SPTBN4: variants seen among roughly 807,000 people sequenced by gnomAD.
SPTBN4 encodes spectrin beta, non-erythrocytic 4, also known as spectrin beta chain, non-erythrocytic 4.
Under a neutral mutation model 277.8 loss-of-function variants are expected in SPTBN4, and 96 were observed. The ratio of observed to expected loss-of-function variants is 0.35; its 90% CI spans 0.29 to 0.41. The LOEUF is 0.41. Ranked by LOEUF, SPTBN4 falls within the 10% of genes least tolerant of loss-of-function variation. The probability of loss-of-function intolerance (pLI) is 1.00; values close to 1 mark genes in which losing one functional copy is unlikely to be tolerated. For missense variants in SPTBN4, 3,006 were observed against 3,595.7 expected (o/e 0.84, Z 4.19); for synonymous variants, 1,481 against 1,580.3 (o/e 0.94, Z 1.49).
At chr19:40,573,036 C>T (rs964594735) in intron 35 of SPTBN4, among the ~76,000 whole-genome samples, 2 of 152,036 alleles carry the variant, frequency 1.3e-5, no homozygotes, top group Admixed American at 1.3e-4. Context: ...AGGTTGGGCA[C>T]CATGGCTCAG....
At position 40,519,668 on chromosome 19, in the gene SPTBN4, G is replaced by A; in HGVS notation, c.3171G>A (p.Ala1057=). 1 of 1,391,956 alleles carries A rather than the reference G, an allele frequency of 7.2e-7. No individual in the cohort carries two copies. The highest frequency in any genetic ancestry group is 9.2e-7 in the Non-Finnish European group (1 of 1,084,248). The allele number at this position is 1,391,956 out of a possible 1,614,324, so 86.2% of individuals were successfully genotyped here. A position where few individuals can be genotyped will look rare whatever the true frequency, so the allele number is the denominator to read the frequency against. ...LLAERFPAQA[A]RLHQGAEELG... is the part of the protein sequence containing the mutation. Reference sequence around the variant, plus strand: ...CTGAGCGCTTCCCGGCGCAGGCGGCGCGGCTGCACCAGGGCGCGGAGGAGC... The same window carrying A: ...CTGAGCGCTTCCCGGCGCAGGCGGCACGGCTGCACCAGGGCGCGGAGGAGC... The change falls in exon 16 of 36, where the codon GCG becomes GCA. Residue 1057 remains alanine (A), a synonymous_variant. Coordinates refer to ENST00000598249, the MANE Select transcript of SPTBN4 (RefSeq NM_020971.3). The surrounding 1 kb of genome is among the most constrained non-coding windows in gnomAD (Gnocchi z 5.7).
intron 11 of SPTBN4, among the ~76,000 whole-genome samples, chr19:40,503,253 G>A (rs2080284140): frequency 6.6e-6 from 1 of 152,022 alleles, no homozygotes; most frequent in South Asian, 2.1e-4. Flanking sequence ...TAACTCAGAA[G>A]GATAGAATTG....
At chr19:40,486,161 T>C (rs2080070037) in intron 2 of SPTBN4, among the ~76,000 whole-genome samples, 1 of 151,782 alleles carries the variant, frequency 6.6e-6, no homozygotes, top group Admixed American at 6.6e-5. Context: ...CCTGGTGGCA[T>C]GCTCCTTTGG....
chr19:40,550,049 T>G (rs888090663), intron 21 of SPTBN4, among the ~76,000 whole-genome samples, 189 bp from the exon 22 acceptor site: 4 of 151,750 alleles, frequency 2.6e-5, no homozygotes. Flanking sequence ...GGTAGGAGGA[T>G]TATTTGAGCC....
In SPTBN4 at chr19:40,512,781, G is replaced by C; in HGVS notation, c.1992G>C (p.Glu664Asp). 1 of 1,502,984 alleles carries C rather than the reference G, an allele frequency of 6.7e-7. No homozygotes were observed. Among genetic ancestry groups the C allele is most frequent in the Non-Finnish European group, 8.8e-7 (1 of 1,135,206 alleles). 93.1% of individuals were successfully genotyped at this position (1,502,984 alleles called of 1,614,324 possible). Residue 664 changes from glutamate (E) to aspartate (D), a missense_variant, in exon 14 of 36, where the codon GAG (glutamate) becomes GAC (aspartate). This residue lies in a region of SPTBN4 where 1,759 missense variants were observed against 2,061.5 expected (regional missense o/e 0.85). Coordinates refer to ENST00000598249, the MANE Select transcript of SPTBN4 (RefSeq NM_020971.3). ...EEAESWARDK[E>D]RLLEAAGGGG... ...CCGAGAGCTGGGCGCGCGACAAGGAGCGTCTCCTGGAGGCTGCGGGCGGCG... is the reference window on the plus strand; with the variant it reads ...CCGAGAGCTGGGCGCGCGACAAGGACCGTCTCCTGGAGGCTGCGGGCGGCG...
Position 40,487,737 on chromosome 19 carries a change from G to A in SPTBN4, c.210G>A (p.Trp70Ter). 6.2e-7 allele frequency: 1 copy of A among 1,613,656 alleles called. No homozygotes were observed. The highest frequency in any genetic ancestry group is 8.5e-7 in the Non-Finnish European group (1 of 1,179,830). Residue 70 changes from tryptophan (W) to a stop codon, truncating the protein, a stop_gained, in exon 3 of 36, where the codon TGG (tryptophan) becomes TGA (stop). Coordinates refer to ENST00000598249, the MANE Select transcript of SPTBN4 (RefSeq NM_020971.3). LOFTEE classifies it high-confidence loss of function. ...TGCAGAAGAAAACCTTCACCAAGTG[G>A]GTGAACTCGCACCTCGCCCGCGTGG... is the stretch of plus-strand genomic sequence containing the variant. ...EAVQKKTFTKWVNSHLARVGC... is the reference protein window; with the variant it reads ...EAVQKKTFTK
intron 20 of SPTBN4, among the ~76,000 whole-genome samples, chr19:40,536,319 T>C (rs1418800602): frequency 1.3e-5 from 2 of 152,098 alleles, no homozygotes; most frequent in Admixed American, 6.5e-5. Flanking sequence ...GTTCAAGCAG[T>C]TCTCCTGCCT....
At chr19:40,493,291 G>A (rs2080158907) in intron 5 of SPTBN4, among the ~76,000 whole-genome samples, 1 of 152,122 alleles carries the variant, frequency 6.6e-6, no homozygotes, top group Admixed American at 6.5e-5. Context: ...TGTCACCCAG[G>A]CTGGAGTGCA....
At chr19:40,514,950 G>A (rs1173137719) in intron 14 of SPTBN4, among the ~76,000 whole-genome samples, 1 of 151,774 alleles carries the variant, frequency 6.6e-6, no homozygotes, top group African/African-American at 2.4e-5. Context: ...ACTAAAAATA[G>A]AAAAGTTAGC....
chr19:40,470,294 C>T lies in SPTBN4; in HGVS notation c.-15-2313C>T, dbSNP rs144166166. Among the ~76,000 whole-genome samples the T allele has an allele frequency of 4.9e-3, 735 of 151,196 alleles. 5 individuals carry two copies. The highest frequency in any genetic ancestry group is 0.017 in the African/African-American group (688 of 41,162). On this transcript the variant is annotated intron_variant, in intron 1 of 35. Coordinates refer to ENST00000598249, the MANE Select transcript of SPTBN4 (RefSeq NM_020971.3). ...GATAACAGGCATGAGCCACCGTGCC[C>T]GGCCTATTTTTATTTTTTTATTTTT...
At chr19:40,482,649 G>T (rs1276892471) in intron 2 of SPTBN4, among the ~76,000 whole-genome samples, 1 of 152,126 alleles carries the variant, frequency 6.6e-6, no homozygotes, top group Non-Finnish European at 1.5e-5. Flanking sequence ...TTTATAAAAC[G>T]CAGTCGGGGT....
chr19:40,564,734 G>A (rs1316561457), intron 27 of SPTBN4, among the ~76,000 whole-genome samples: 1 of 151,956 alleles, frequency 6.6e-6, no homozygotes, highest in Admixed American at 6.6e-5. Flanking sequence ...CTACTCAGGA[G>A]GCTGAGGCAG....
Position 40,550,342 on chromosome 19 carries a change from G to C in SPTBN4, c.4674+15G>C, listed in dbSNP as rs1466110966. 5 of 1,604,082 alleles carry C rather than the reference G, an allele frequency of 3.1e-6. No individual in the cohort carries two copies. Among genetic ancestry groups the C allele is most frequent in the Non-Finnish European group, 4.2e-6 (5 of 1,179,690 alleles). ...AAAAGAACCAGGTGAGCAGAGCCAG[G>C]TGAGGGAGCGAGTTAGGACATTTGG... On this transcript the variant is annotated intron_variant, in intron 22 of 35. Transcript: ENST00000598249.
At chr19:40,531,699 C>G (rs1370697377) in intron 18 of SPTBN4, among the ~76,000 whole-genome samples, 1 of 151,322 alleles carries the variant, frequency 6.6e-6, no homozygotes, top group African/African-American at 2.4e-5. Context: ...GAGGGGCCCA[C>G]TCTTGGTGCT....
In SPTBN4 at chr19:40,515,873, C is replaced by A. The variant is rs1032224875; in HGVS notation, c.2903+425C>A. 2.1e-5 allele frequency among the ~76,000 whole-genome samples: 2 copies of A among 93,038 alleles called. No individual in the cohort carries two copies. The highest frequency in any genetic ancestry group is 3.8e-5 in the Non-Finnish European group (2 of 52,476). 61.0% of individuals were successfully genotyped at this position (93,038 alleles called of 152,430 possible). On this transcript the variant is annotated intron_variant, in intron 15 of 35. Coordinates refer to ENST00000598249, the MANE Select transcript of SPTBN4 (RefSeq NM_020971.3). The surrounding 1 kb of genome is among the most constrained non-coding windows in gnomAD (Gnocchi z 4.1). ...CCCCGTCTCTCTCTCTACGTGCGCG[C>A]ACACACACACACACACACACACACA...
Position 40,472,808 on chromosome 19 carries a change from G to T in SPTBN4, c.169+18G>T. The T allele has an allele frequency of 6.5e-7, 1 of 1,538,700 alleles. No individual in the cohort carries two copies. The highest frequency in any genetic ancestry group is 1.2e-5 in the South Asian group (1 of 84,112). On this transcript the variant is annotated intron_variant, in intron 2 of 35. Coordinates refer to ENST00000598249, the MANE Select transcript of SPTBN4 (RefSeq NM_020971.3). ...CTTGGCAGGTACCTGGAGGAGGGCT[G>T]GGGTGGGATGAGGAGGAGGGGGAAG...
intron 5 of SPTBN4, among the ~76,000 whole-genome samples, chr19:40,494,486 GCTAT>G (rs932245899): frequency 4.7e-5 from 7 of 148,688 alleles, no homozygotes; most frequent in African/African-American, 1.5e-4. Context: ...CTTCTCTCCT[GCTAT>G]CTATCTTCTA....
chr19:40,496,231 C>T (rs1231649111), intron 6 of SPTBN4, among the ~76,000 whole-genome samples: 1 of 152,188 alleles, frequency 6.6e-6, no homozygotes, highest in African/African-American at 2.4e-5. Flanking sequence ...CTCACTGCAA[C>T]CTCTGCTTCC....
intron 24 of SPTBN4, among the ~76,000 whole-genome samples, chr19:40,555,495 A>C (rs1254172015): frequency 1.3e-5 from 2 of 150,548 alleles, no homozygotes; most frequent in Admixed American, 6.6e-5. Flanking sequence ...GTCTCAAAAA[A>C]AAAAAAAAAA....
Sources: allele counts gnomAD v4.1 joint callset (sites outside exome capture counted in the v4.1 genomes callset), GRCh38; gene constraint gnomAD v4.1.1; regional missense constraint gnomAD v4.1.1; non-coding constraint Gnocchi (gnomAD v3.1); transcripts MANE v1.5; gene names NCBI Gene and HGNC (gene_info 2026-07-23, HGNC 2026-07-21).